PRR12: variants seen among roughly 807,000 people sequenced by gnomAD.
PRR12 encodes the protein proline-rich protein 12.
A neutral mutation model predicts 138.0 loss-of-function variants in PRR12; 12 were observed. The observed-to-expected ratio is 0.09, with a 90% confidence interval of 0.06 to 0.14. The LOEUF (loss-of-function observed/expected upper bound fraction) is 0.14, where lower values mean the gene tolerates loss of function less well. Among genes scored for constraint, PRR12 ranks in the 10% least tolerant of loss-of-function variants. PRR12 has a pLI of 1.00. For missense variants in PRR12, 2,692 were observed against 2,861.3 expected, an observed-to-expected ratio of 0.94 and a Z score of 1.35; for synonymous variants, 1,567 against 1,291.7, an observed-to-expected ratio of 1.21 and a Z score of -4.57.
At chr19:49,606,717 G>C (rs1267228832) in intron 6 of PRR12, among the ~76,000 whole-genome samples, 3 of 144,528 alleles carry the variant, frequency 2.1e-5, no homozygotes, top group African/African-American at 5.2e-5. Context: ...CACAATCTCA[G>C]CTCACTGCAA....
In PRR12 at chr19:49,621,536, C is replaced by A; in HGVS notation, c.5635C>A (p.Leu1879Met). 1 of 1,605,674 alleles carries A rather than the reference C, an allele frequency of 6.2e-7. No homozygotes were observed. The highest frequency in any genetic ancestry group is 1.1e-5 in the South Asian group (1 of 89,188). Residue 1879 changes from leucine (L) to methionine (M), a missense_variant, in exon 11 of 14, where the codon CTG (leucine) becomes ATG (methionine). Physicochemically the swap from Leu to Met is conservative, Grantham distance 15. Coordinates refer to ENST00000418929, the MANE Select transcript of PRR12 (RefSeq NM_020719.3). ...TCCTCGTCCATCAGACGAGCTGTAC[C>A]TGCCCCCCATGCGGAAGATAGACGG... ...ALEDTHDELY[L>M]PPMRKIDGLL...
In PRR12 at chr19:49,594,764, G is replaced by A. The variant is rs774836174; in HGVS notation, c.429G>A (p.Pro143=). Residue 143 remains proline, a synonymous_variant, in exon 4 of 14, where the codon CCG becomes CCA. Transcript: ENST00000418929. The surrounding 1 kb of genome is among the most constrained non-coding windows in gnomAD (Gnocchi z 5.6). The part of the protein sequence containing the change: ...SGALPGSSTF[P]SSSALSAYQH... ...CCCTGCCGGGTTCCAGCACCTTTCC[G>A]TCCTCATCTGCCCTGTCGGCTTACC... 17 of 1,613,226 alleles carry A rather than the reference G, an allele frequency of 1.1e-5. No homozygotes were observed. The highest frequency in any genetic ancestry group is 1.6e-4 in the Middle Eastern group (1 of 6,084).
chr19:49,624,974 G>A lies in PRR12; in HGVS notation c.5852G>A (p.Ser1951Asn). 6.3e-7 allele frequency: 1 copy of A among 1,599,398 alleles called. No individual in the cohort carries two copies. Among genetic ancestry groups the A allele is most frequent in the Non-Finnish European group, 8.5e-7 (1 of 1,171,462 alleles). Residue 1951 changes from serine (S) to asparagine (N), a missense_variant, in exon 12 of 14, where the codon AGC (serine) becomes AAC (asparagine). Physicochemically the swap from Ser to Asn is conservative, Grantham distance 46. Around this residue, in one of 11 missense-constraint regions of PRR12, gnomAD observed 116 missense variants for 243.4 expected, o/e 0.48. Transcript: ENST00000418929. ...NRKTLSKLKR[S>N]VVRAQEFKVE... ...AAGACGCTCAGCAAGCTCAAGAGGA[G>A]CGTGGTCAGAGCCCAGGTGGGCACT...
At chr19:49,604,920 C>A (rs2080830614) in intron 6 of PRR12, among the ~76,000 whole-genome samples, 1 of 152,044 alleles carries the variant, frequency 6.6e-6, no homozygotes, top group Admixed American at 6.6e-5. Flanking sequence ...GACGTGATCT[C>A]AGCTCACTGC....
At chr19:49,609,736 T>TTGAATGGCTGGACAGTGAATGCTGAGGC (rs2080856265) in intron 6 of PRR12, among the ~76,000 whole-genome samples, 1 of 152,090 alleles carries the variant, frequency 6.6e-6, no homozygotes, top group African/African-American at 2.4e-5. Flanking sequence ...ATGCAAGGTG[T>TTGAATGGCTGGACAGTGAATGCTGAGGC]TGAATGGCTG....
chr19:49,607,767 G>A (rs1389741719), intron 6 of PRR12, among the ~76,000 whole-genome samples: 3 of 151,016 alleles, frequency 2.0e-5, no homozygotes, highest in East Asian at 2.0e-4. Context: ...GCCTGTAATC[G>A]CAGCACTTTG....
chr19:49,625,691 G>A lies in PRR12; in HGVS notation c.*84G>A. On this transcript the variant is annotated 3_prime_UTR_variant, in exon 14 of 14. Coordinates refer to ENST00000418929, the MANE Select transcript of PRR12 (RefSeq NM_020719.3). The surrounding 1 kb of genome is among the most constrained non-coding windows in gnomAD (Gnocchi z 5.5). Reference sequence around the variant, plus strand: ...CGTGTCCTCAGGAGCTAACACCTGGGCTCCATCGCCGGGGAAAGGGGGTCA... The same window carrying A: ...CGTGTCCTCAGGAGCTAACACCTGGACTCCATCGCCGGGGAAAGGGGGTCA... The A allele has an allele frequency of 6.8e-7, 1 of 1,478,416 alleles. No homozygotes were observed. The highest frequency in any genetic ancestry group is 1.4e-5 in the African/African-American group (1 of 71,668). The allele number at this position is 1,478,416 out of a possible 1,614,324, so 91.6% of individuals were successfully genotyped here.
chr19:49,621,826 G>C, intron 11 of PRR12: 1 of 578,036 alleles, frequency 1.7e-6, no homozygotes, highest in East Asian at 2.8e-5. Flanking sequence ...GGAGCTGTGG[G>C]CCTTGGGGCA....
In PRR12 at chr19:49,596,734, A is replaced by AGCT. The variant is rs753545189; in HGVS notation, c.2403_2405dup (p.Leu802dup). ...CTGGTGCTGCCTCCGCCTCCCCCCCAGCTGCTCCCCTCGGTCCTCAGCCAT... is the reference window on the plus strand; with the variant it reads ...CTGGTGCTGCCTCCGCCTCCCCCCCAGCTGCTGCTCCCCTCGGTCCTCAGCCAT... On this transcript the variant is annotated inframe_insertion, in exon 4 of 14. Coordinates refer to ENST00000418929, the MANE Select transcript of PRR12 (RefSeq NM_020719.3). This position sits in a 1 kb window ranked among gnomAD's most constrained non-coding sequence, Gnocchi z 5.6. 7.1e-6 allele frequency: 11 copies of AGCT among 1,551,984 alleles called. No individual in the cohort carries two copies. In the African/African-American group the frequency reaches 1.6e-4, roughly 22 times the overall value.
At position 49,597,599 on chromosome 19, in the gene PRR12, C is replaced by G. The variant is rs767703799; in HGVS notation, c.3264C>G (p.Phe1088Leu). The change falls in exon 4 of 14, where the codon TTC (phenylalanine) becomes TTG (leucine). Residue 1088 changes from phenylalanine to leucine, a missense_variant. Coordinates refer to ENST00000418929, the MANE Select transcript of PRR12 (RefSeq NM_020719.3). This position sits in a 1 kb window ranked among gnomAD's most constrained non-coding sequence, Gnocchi z 6.3. Reference protein sequence around the residue: ...FHLLRRRDPPFQTPKKLYAQE... With the variant: ...FHLLRRRDPPLQTPKKLYAQE... ...TGCTGCGGCGCCGCGACCCACCCTT[C>G]CAGACCCCCAAGAAGCTGTACGCCC... The G allele has an allele frequency of 6.2e-7, 1 of 1,609,566 alleles. No homozygotes were observed. The highest frequency in any genetic ancestry group is 1.1e-5 in the South Asian group (1 of 90,234).
At chr19:49,604,506 C>T (rs2080828466) in intron 6 of PRR12, among the ~76,000 whole-genome samples, 1 of 151,940 alleles carries the variant, frequency 6.6e-6, no homozygotes. Context: ...GATGAAAGCC[C>T]ATCTCTACTA....
At position 49,597,938 on chromosome 19, in the gene PRR12, GGGCCGGGGCCGA is replaced by G. The variant is rs1055200207; in HGVS notation, c.3612_3623del (p.Gly1206_Arg1209del). ...CCACCGATGGCGCCAAGAAACCCCG[GGGCCGGGGCCGA>G]GGCCGGGGTCGAAAGGCTGAGGAGG... On this transcript the variant is annotated inframe_deletion, in exon 4 of 14. Transcript: ENST00000418929. This position sits in a 1 kb window ranked among gnomAD's most constrained non-coding sequence, Gnocchi z 6.3. 20 of 1,403,540 alleles carry G rather than the reference GGGCCGGGGCCGA, an allele frequency of 1.4e-5. No individual in the cohort carries two copies. Among genetic ancestry groups the G allele is most frequent in the Non-Finnish European group, 1.7e-5 (18 of 1,082,706 alleles). The allele number at this position is 1,403,540 out of a possible 1,614,324, so 86.9% of individuals were successfully genotyped here.
In PRR12 at chr19:49,596,438, G is replaced by A. The variant is rs1310149137; in HGVS notation, c.2103G>A (p.Gln701=). ...AAGACCCCCAGAGGTACCACCTGCAGAGTGTCATCCGCACCAGTGCCAGCC... is the reference window on the plus strand; with the variant it reads ...AAGACCCCCAGAGGTACCACCTGCAAAGTGTCATCCGCACCAGTGCCAGCC... ...AKEDPQRYHL[Q]SVIRTSASLD... The change falls in exon 4 of 14, where the codon CAG becomes CAA. Residue 701 remains glutamine, a synonymous_variant. Coordinates refer to ENST00000418929, the MANE Select transcript of PRR12 (RefSeq NM_020719.3). This position sits in a 1 kb window ranked among gnomAD's most constrained non-coding sequence, Gnocchi z 5.6. 1.4e-5 allele frequency: 22 copies of A among 1,610,966 alleles called. No homozygotes were observed. Among genetic ancestry groups the A allele is most frequent in the Non-Finnish European group, 1.9e-5 (22 of 1,179,530 alleles).
chr19:49,593,213 A>C (rs1599782712), intron 1 of PRR12, 114 bp from the exon 2 acceptor site: 214 of 450,592 alleles, frequency 4.7e-4, no homozygotes, highest in East Asian at 7.2e-4. Context: ...TTAGCTTAAC[A>C]CCCCCCACCC....
intron 1 of PRR12, among the ~76,000 whole-genome samples, chr19:49,592,873 A>G (rs1599782465): frequency 6.6e-6 from 1 of 152,024 alleles, no homozygotes; most frequent in African/African-American, 2.4e-5. Flanking sequence ...CCACCCCATG[A>G]AGTTCAGGGC....
intron 6 of PRR12, among the ~76,000 whole-genome samples, chr19:49,608,466 G>A (rs1446899756): frequency 1.3e-5 from 2 of 151,924 alleles, no homozygotes; most frequent in Non-Finnish European, 2.9e-5. Flanking sequence ...TTAGCCTCCC[G>A]AGTAGCTGGG....
rs1599805982 is a variant in PRR12, at chr19:49,623,752, G to T, written c.5722-1092G>T. 2.6e-5 allele frequency among the ~76,000 whole-genome samples: 4 copies of T among 151,520 alleles called. No homozygotes were observed. In the South Asian group the frequency reaches 8.3e-4, roughly 31 times the overall value. On this transcript the variant is annotated intron_variant, in intron 11 of 13. Transcript: ENST00000418929. ...GGATAGATGGTTAGGATGGGGCCGAGAATTCTGGGGTAGGTGGTTAGGATG... is the reference window on the plus strand; with the variant it reads ...GGATAGATGGTTAGGATGGGGCCGATAATTCTGGGGTAGGTGGTTAGGATG...
chr19:49,610,257 G>A (rs909456591), intron 6 of PRR12, among the ~76,000 whole-genome samples: 4 of 152,072 alleles, frequency 2.6e-5, no homozygotes, highest in African/African-American at 7.2e-5. Context: ...TTACAGATGC[G>A]AGCCACCCCG....
At position 49,596,327 on chromosome 19, in the gene PRR12, G is replaced by C. The variant is rs746964152; in HGVS notation, c.1992G>C (p.Glu664Asp). ...CAGGGGCGGACGGCTTGGTGGGCGA[G>C]GACGGGGCAGCAGATGCCTCTAAGG... ...RTSGADGLVG[E>D]DGAADASKGL... Residue 664 changes from glutamate to aspartate, a missense_variant, in exon 4 of 14, where the codon GAG (glutamate) becomes GAC (aspartate). By Grantham distance (45) the Glu-to-Asp change is conservative. Coordinates refer to ENST00000418929, the MANE Select transcript of PRR12 (RefSeq NM_020719.3). The surrounding 1 kb of genome is among the most constrained non-coding windows in gnomAD (Gnocchi z 5.6). 1.9e-6 allele frequency: 3 copies of C among 1,610,306 alleles called. No homozygotes were observed. The African/African-American group carries it at 4.0e-5, about 21-fold the overall frequency.
Sources: gnomAD v4.1 joint callset for allele counts (sites outside exome capture counted in the v4.1 genomes callset) on GRCh38, gnomAD v4.1.1 for gene constraint, gnomAD v4.1.1 regional missense constraint, Gnocchi (gnomAD v3.1) non-coding constraint, MANE v1.5 for transcripts, NCBI Gene and HGNC (gene_info 2026-07-23, HGNC 2026-07-21) for gene names.